SDK1: variants seen among roughly 807,000 people sequenced by gnomAD.
SDK1 encodes the protein protein sidekick-1.
Under a neutral mutation model 245.5 loss-of-function variants are expected in SDK1, and 157 were observed. The ratio of observed to expected loss-of-function variants is 0.64; its 90% CI spans 0.56 to 0.73. SDK1 has a LOEUF of 0.73. SDK1 is among the 30% of genes least tolerant of loss of function. The probability of loss-of-function intolerance (pLI) is 0.00; values close to 1 mark genes in which losing one functional copy is unlikely to be tolerated. For synonymous variants in SDK1, 1,647 were observed against 1,278.5 expected (o/e 1.29, Z -6.15); for missense variants, 3,583 against 3,002.3 (o/e 1.19, Z -4.52).
At chr7:3,631,609 G>C (rs1421112862) in intron 2 of SDK1, among the ~76,000 whole-genome samples, 1 of 152,174 alleles carries the variant, frequency 6.6e-6, no homozygotes, top group East Asian at 1.9e-4. Context: ...CCACAAAGTT[G>C]AGTGTTTTTG....
intron 4 of SDK1, among the ~76,000 whole-genome samples, chr7:3,741,356 GA>G (rs1296515684): frequency 6.6e-6 from 1 of 152,190 alleles, no homozygotes; most frequent in Non-Finnish European, 1.5e-5. Flanking sequence ...GCTCCCAGGG[GA>G]TGCTCTTCAT....
intron 17 of SDK1, among the ~76,000 whole-genome samples, chr7:4,033,519 C>G (rs1364970454): frequency 6.6e-6 from 1 of 151,920 alleles, no homozygotes; most frequent in African/African-American, 2.4e-5. Flanking sequence ...ATACAATGAG[C>G]AAAGGAAAAC....
intron 4 of SDK1, among the ~76,000 whole-genome samples, chr7:3,657,017 G>C (rs1044565136): frequency 2.0e-5 from 3 of 152,150 alleles, no homozygotes; most frequent in African/African-American, 7.2e-5. Context: ...AAAGTGCTGG[G>C]ATTACAGGCG....
Position 3,725,843 on chromosome 7 carries a change from T to A in SDK1, c.713+83738T>A, listed in dbSNP as rs991336975. ...TTGAAACCACAATTTACTACCGTAA[T>A]AAAGTTTCTAAAATTACTGCAGTCG... On this transcript the variant is annotated intron_variant, in intron 4 of 44. Transcript: ENST00000404826. 4.0e-4 allele frequency among the ~76,000 whole-genome samples: 61 copies of A among 152,222 alleles called. 1 individual carries two copies. The highest frequency in any genetic ancestry group is 2.9e-5 in the Non-Finnish European group (2 of 68,038).
At chr7:3,412,288 T>A (rs1196299522) in intron 1 of SDK1, among the ~76,000 whole-genome samples, 4 of 152,192 alleles carry the variant, frequency 2.6e-5, no homozygotes, top group Non-Finnish European at 4.4e-5. Context: ...TAATTACATA[T>A]ATAATACAAA....
intron 1 of SDK1, among the ~76,000 whole-genome samples, chr7:3,588,581 G>C (rs1274784271): frequency 6.6e-6 from 1 of 152,120 alleles, no homozygotes; most frequent in Non-Finnish European, 1.5e-5. Flanking sequence ...CATTGTTGAG[G>C]TGATGAAAGT....
In SDK1 at chr7:4,139,665, G is replaced by A. The variant is rs1304249234; in HGVS notation, c.4229-6057G>A. Among the ~76,000 whole-genome samples the A allele has an allele frequency of 5.5e-4, 38 of 68,686 alleles. 7 individuals are homozygous for A. Among genetic ancestry groups the A allele is most frequent in the African/African-American group, 1.5e-3 (21 of 13,774 alleles). 45.1% of individuals were successfully genotyped at this position (68,686 alleles called of 152,430 possible). Reference sequence around the variant, plus strand: ...TGTGTGTATATGTGTGTGTGTATATGTGTGTGTGTATATGTGTGTGTGTGT... The same window carrying A: ...TGTGTGTATATGTGTGTGTGTATATATGTGTGTGTATATGTGTGTGTGTGT... On this transcript the variant is annotated intron_variant, in intron 28 of 44. Transcript: ENST00000404826.
At chr7:3,775,306 CA>C (rs1379248560) in intron 4 of SDK1, among the ~76,000 whole-genome samples, 54 of 152,246 alleles carry the variant, frequency 3.5e-4, no homozygotes, top group Non-Finnish European at 4.3e-4. Flanking sequence ...TTTTGTAAGT[CA>C]AAAGCAATGG....
At chr7:4,249,652 G>C (rs955424926) in intron 44 of SDK1, among the ~76,000 whole-genome samples, 1 of 152,172 alleles carries the variant, frequency 6.6e-6, no homozygotes, top group Non-Finnish European at 1.5e-5. Flanking sequence ...GTGCTCCCCA[G>C]GTTTTTGAGT....
chr7:4,027,556 T>C (rs1196461680), intron 17 of SDK1, among the ~76,000 whole-genome samples: 2 of 152,240 alleles, frequency 1.3e-5, no homozygotes, highest in Non-Finnish European at 2.9e-5. Context: ...TTTATTAATT[T>C]TATTTGACAT....
At chr7:3,571,447 C>G (rs929012933) in intron 1 of SDK1, among the ~76,000 whole-genome samples, 1 of 151,926 alleles carries the variant, frequency 6.6e-6, no homozygotes, top group African/African-American at 2.4e-5. Flanking sequence ...GAACTACAGG[C>G]CCGTACCACC....
intron 1 of SDK1, among the ~76,000 whole-genome samples, chr7:3,612,181 A>C (rs1781615490): frequency 6.6e-6 from 1 of 152,118 alleles, no homozygotes; most frequent in Non-Finnish European, 1.5e-5. Context: ...CTCACAAATC[A>C]CCACTAAAGA....
At chr7:3,402,727 TAAA>T (rs1778923569) in intron 1 of SDK1, among the ~76,000 whole-genome samples, 1 of 152,196 alleles carries the variant, frequency 6.6e-6, no homozygotes, top group South Asian at 2.1e-4. Flanking sequence ...TTGTGTAGCT[TAAA>T]AATGGAAACC....
intron 30 of SDK1, among the ~76,000 whole-genome samples, chr7:4,157,562 G>T (rs1460637210): frequency 1.3e-5 from 2 of 150,256 alleles, no homozygotes; most frequent in Non-Finnish European, 3.0e-5. Flanking sequence ...ATGGAAGCGG[G>T]CCCGAAGTGC....
chr7:3,329,026 C>T (rs1321391775), intron 1 of SDK1, among the ~76,000 whole-genome samples: 1 of 152,132 alleles, frequency 6.6e-6, no homozygotes, highest in Non-Finnish European at 1.5e-5. Context: ...TAGTCTTTTA[C>T]GATGTTCACC....
chr7:4,118,826 A>G (rs1274925136), intron 25 of SDK1, among the ~76,000 whole-genome samples: 2 of 149,064 alleles, frequency 1.3e-5, no homozygotes, highest in African/African-American at 2.5e-5. Flanking sequence ...ACCAGGCACA[A>G]GAGACCACAT....
At chr7:3,537,281 C>T (rs768669973) in intron 1 of SDK1, among the ~76,000 whole-genome samples, 2 of 152,224 alleles carry the variant, frequency 1.3e-5, no homozygotes, top group Non-Finnish European at 2.9e-5. Context: ...GATCTTATGA[C>T]TGTCTTAAAA....
intron 1 of SDK1, among the ~76,000 whole-genome samples, chr7:3,413,557 G>A (rs989987705): frequency 6.6e-6 from 1 of 152,050 alleles, no homozygotes; most frequent in Admixed American, 6.5e-5. Flanking sequence ...TAGGCATGGC[G>A]GTGGGCACCT....
At chr7:3,643,863 ATAAT>A (rs993313331) in intron 4 of SDK1, 3 of 149,222 alleles carry the variant, frequency 2.0e-5, no homozygotes, top group Non-Finnish European at 4.4e-5. Flanking sequence ...CTAAATAATA[ATAAT>A]TATTATTATT....
Sources: allele counts gnomAD v4.1 joint callset (sites outside exome capture counted in the v4.1 genomes callset), GRCh38; gene constraint gnomAD v4.1.1; transcripts MANE v1.5; gene names NCBI Gene and HGNC (gene_info 2026-07-23, HGNC 2026-07-21).